The following SAMSN1 variants were observed in gnomAD, a reference collection of about 807,000 sequenced individuals.
SAMSN1 encodes SAM domain-containing protein SAMSN-1.
A neutral mutation model predicts 42.0 loss-of-function variants in SAMSN1; 31 were observed. The ratio of observed to expected loss-of-function variants is 0.74; its 90% CI spans 0.55 to 1.00. SAMSN1 has a LOEUF of 1.00. Ranked by LOEUF, SAMSN1 falls within the 50% of genes least tolerant of loss-of-function variation. The probability of loss-of-function intolerance (pLI) is 0.00; values close to 1 mark genes in which losing one functional copy is unlikely to be tolerated. For missense variants in SAMSN1, 464 were observed against 439.4 expected (o/e 1.06, Z -0.50); for synonymous variants, 178 against 151.9 (o/e 1.17, Z -1.26).
intron 2 of SAMSN1, among the ~76,000 whole-genome samples, chr21:14,558,417 C>T (rs1980833513): frequency 1.3e-5 from 2 of 152,114 alleles, no homozygotes; most frequent in South Asian, 2.1e-4. Context: ...GTGGCTCACG[C>T]CTGTAATCCA....
chr21:14,547,445 G>A (rs964100246), upstream of SAMSN1, among the ~76,000 whole-genome samples: 4 of 152,094 alleles, frequency 2.6e-5, no homozygotes, highest in African/African-American at 9.7e-5. Context: ...AAAATACCCA[G>A]AAGTAAAAGC....
intron 2 of SAMSN1, among the ~76,000 whole-genome samples, chr21:14,557,817 T>C (rs1197225125): frequency 1.3e-5 from 2 of 152,204 alleles, no homozygotes; most frequent in Non-Finnish European, 2.9e-5. Context: ...GGACTACCAG[T>C]CAGTTCTTAC....
intron 1 of SAMSN1, among the ~76,000 whole-genome samples, chr21:14,651,585 G>A (rs966658819): frequency 2.6e-5 from 4 of 152,108 alleles, no homozygotes; most frequent in African/African-American, 7.2e-5. Context: ...GTATCATACT[G>A]ACTGGGGAAA....
At position 14,563,927 on chromosome 21, in the gene SAMSN1, G is replaced by A. The variant is rs113182345; in HGVS notation, c.261+18209C>T. Among the ~76,000 whole-genome samples the A allele has an allele frequency of 3.3e-5, 5 of 152,266 alleles. No homozygotes were observed. In the South Asian group the frequency reaches 1.0e-3, roughly 32 times the overall value. ...AAGAATATAGGTACAATTAAGAATG[G>A]TAGCAAAAGTGAACCAAAAATAGCT... On this transcript the variant is annotated intron_variant, in intron 2 of 8. Transcript: ENST00000285670.
intron 1 of SAMSN1, among the ~76,000 whole-genome samples, chr21:14,531,937 T>C (rs1247406821): frequency 1.3e-5 from 2 of 152,246 alleles, no homozygotes; most frequent in African/African-American, 4.8e-5. Context: ...AGTCATTCTG[T>C]GATCTCCTTG....
chr21:14,654,710 T>C (rs1425534197), intron 1 of SAMSN1, among the ~76,000 whole-genome samples: 2 of 151,998 alleles, frequency 1.3e-5, no homozygotes, highest in African/African-American at 4.8e-5. Flanking sequence ...TAGTTCAGTG[T>C]CTAGATTAGT....
intron 2 of SAMSN1, among the ~76,000 whole-genome samples, chr21:14,628,650 A>T (rs1289596766): frequency 6.6e-6 from 1 of 152,198 alleles, no homozygotes; most frequent in Non-Finnish European, 1.5e-5. Context: ...TTCCAGTGAC[A>T]GAAAAGTCTC....
At chr21:14,546,733 G>A (rs1057249794), upstream of SAMSN1, among the ~76,000 whole-genome samples, 3 of 150,402 alleles carry the variant, frequency 2.0e-5, no homozygotes, top group Non-Finnish European at 4.4e-5. Context: ...TTTTTGATAC[G>A]GAATCTCACT....
chr21:14,562,326 A>G (rs537663143), intron 2 of SAMSN1, among the ~76,000 whole-genome samples: 2 of 152,284 alleles, frequency 1.3e-5, no homozygotes, highest in East Asian at 1.9e-4. Context: ...TTTCCTGTCT[A>G]TGAAACAGAC....
chr21:14,638,471 CAGAT>C (rs1254717114), intron 2 of SAMSN1, among the ~76,000 whole-genome samples: 2 of 152,260 alleles, frequency 1.3e-5, no homozygotes, highest in East Asian at 3.9e-4. Context: ...CTGTGAAAAT[CAGAT>C]AGAAATATTT....
chr21:14,566,350 C>T (rs1393024259), intron 2 of SAMSN1, among the ~76,000 whole-genome samples: 1 of 152,078 alleles, frequency 6.6e-6, no homozygotes. Context: ...ATTTTGTTAC[C>T]ATTTAACACC....
At chr21:14,592,708 A>T (rs1230183190) in intron 7 of SAMSN1, 1 of 267,442 alleles carries the variant, frequency 3.7e-6, no homozygotes, top group Non-Finnish European at 8.3e-6. Flanking sequence ...AGTCTAAAGA[A>T]ATATTCTCTA....
chr21:14,511,903 A>C (rs180730046), intron 4 of SAMSN1, among the ~76,000 whole-genome samples: 1 of 152,322 alleles, frequency 6.6e-6, no homozygotes, highest in East Asian at 1.9e-4. Context: ...TTTACTGATT[A>C]ATGCTGGGTT....
At chr21:14,608,247 C>G (rs1199076407) in intron 5 of SAMSN1, among the ~76,000 whole-genome samples, 1 of 152,222 alleles carries the variant, frequency 6.6e-6, no homozygotes, top group African/African-American at 2.4e-5. Flanking sequence ...TGACTCCACC[C>G]TCCTCCTCTA....
At chr21:14,527,084 A>G (rs1047458761) in intron 1 of SAMSN1, among the ~76,000 whole-genome samples, 1 of 152,186 alleles carries the variant, frequency 6.6e-6, no homozygotes, top group Non-Finnish European at 1.5e-5. Flanking sequence ...TATACTGGCA[A>G]ATTAAAAATT....
chr21:14,558,794 T>C (rs73161299), intron 2 of SAMSN1, among the ~76,000 whole-genome samples: 3,445 of 152,344 alleles, frequency 0.023, 61 homozygotes, highest in Non-Finnish European at 0.037. Flanking sequence ...TGATCTATTA[T>C]TGATCTTTAT....
rs992157873 is a variant in SAMSN1 at position 14,581,562 on chromosome 21, T to C, written c.261+574A>G. Among the ~76,000 whole-genome samples the C allele has an allele frequency of 3.3e-5, 5 of 151,420 alleles. No homozygotes were observed. The South Asian group carries it at 1.0e-3, about 32-fold the overall frequency. On this transcript the variant is annotated intron_variant, in intron 2 of 8. Coordinates refer to the SAMSN1 transcript ENST00000285670. ...TTTTAGTAGAGACGGGGTTTCACCT[T>C]GTTAGCCAGGATGGTCTCGATCTCC... is the stretch of plus-strand genomic sequence containing the variant.
chr21:14,658,859 A>C (rs1165847070), upstream of SAMSN1: 1 of 707,268 alleles, frequency 1.4e-6, no homozygotes, highest in African/African-American at 1.8e-5. Context: ...CTGTTTGGCC[A>C]GTTCTCATGG....
chr21:14,486,888 A>G (rs1986457374), intron 7 of SAMSN1, among the ~76,000 whole-genome samples: 1 of 152,216 alleles, frequency 6.6e-6, no homozygotes, highest in African/African-American at 2.4e-5. Flanking sequence ...AAAGATTACT[A>G]TTAGGGATAT....
Sources: allele counts gnomAD v4.1 joint callset (sites outside exome capture counted in the v4.1 genomes callset), GRCh38; gene constraint gnomAD v4.1.1; transcripts MANE v1.5; gene names NCBI Gene and HGNC (gene_info 2026-07-23, HGNC 2026-07-21).